Variants in CADPS observed in about 807,000 individuals in gnomAD.
CADPS encodes the protein calcium dependent secretion activator.
In CADPS, 57 loss-of-function variants were observed where a neutral mutation model predicts 167.3. The observed-to-expected ratio is 0.34, with a 90% CI of 0.28 to 0.42. CADPS has a LOEUF of 0.42. CADPS is among the 20% of genes least tolerant of loss of function. The pLI is 1.00. For missense variants in CADPS, 1,414 were observed against 1,738.1 expected (o/e 0.81, Z 3.32); for synonymous variants, 676 against 635.3 (o/e 1.06, Z -0.96).
intron 6 of CADPS, 132 bp downstream of exon 6, chr3:62,645,590 G>C: frequency 1.1e-6 from 1 of 948,632 alleles, no homozygotes; most frequent in Non-Finnish European, 1.6e-6. Flanking sequence ...AAGTCATCTT[G>C]TTTGAAAAAT....
chr3:62,741,179 G>T (rs893439764), intron 3 of CADPS, among the ~76,000 whole-genome samples: 1 of 152,052 alleles, frequency 6.6e-6, no homozygotes, highest in African/African-American at 2.4e-5. Flanking sequence ...TATTAAATGG[G>T]TACTATCCCA....
chr3:62,627,392 T>C (rs1372881142), intron 6 of CADPS, among the ~76,000 whole-genome samples: 1 of 152,138 alleles, frequency 6.6e-6, no homozygotes, highest in Non-Finnish European at 1.5e-5. Flanking sequence ...ATAAACATAA[T>C]GTAAATTATG....
chr3:62,706,998 A>C (rs2082429936), intron 3 of CADPS, among the ~76,000 whole-genome samples: 1 of 152,122 alleles, frequency 6.6e-6, no homozygotes, highest in Non-Finnish European at 1.5e-5. Context: ...TTTATACAAA[A>C]AAAGGATTCT....
chr3:62,415,408 A>G (rs1015745450), intron 28 of CADPS, among the ~76,000 whole-genome samples: 1 of 152,014 alleles, frequency 6.6e-6, no homozygotes, highest in Non-Finnish European at 1.5e-5. Context: ...CTCATATTTT[A>G]CATGTTACAG....
At chr3:62,657,587 A>G (rs1021426852) in intron 4 of CADPS, among the ~76,000 whole-genome samples, 3 of 152,182 alleles carry the variant, frequency 2.0e-5, no homozygotes, top group Non-Finnish European at 2.9e-5. Flanking sequence ...TTGAGCAGGG[A>G]TTACCAAGTC....
At chr3:62,595,332 C>T (rs185781704) in intron 6 of CADPS, among the ~76,000 whole-genome samples, 84 of 152,204 alleles carry the variant, frequency 5.5e-4, no homozygotes, top group African/African-American at 1.9e-3. Flanking sequence ...AAGTGGTTGT[C>T]AGCAACTGCA....
intron 7 of CADPS, among the ~76,000 whole-genome samples, chr3:62,591,322 T>C (rs1052057449): frequency 4.9e-4 from 75 of 152,248 alleles, no homozygotes; most frequent in Non-Finnish European, 8.5e-4. Context: ...ATCACTTTAG[T>C]AGTATATGTG....
intron 13 of CADPS, among the ~76,000 whole-genome samples, chr3:62,523,564 A>G (rs905129061): frequency 6.6e-6 from 1 of 152,218 alleles, no homozygotes; most frequent in Non-Finnish European, 1.5e-5. Context: ...TTTGAAAGGT[A>G]AGATGTCTCT....
chr3:62,773,782 T>C (rs1158484821), intron 1 of CADPS, among the ~76,000 whole-genome samples: 2 of 152,192 alleles, frequency 1.3e-5, no homozygotes, highest in Non-Finnish European at 2.9e-5. Context: ...AGAAAAAATG[T>C]AAAATTCTTC....
intron 17 of CADPS, among the ~76,000 whole-genome samples, chr3:62,510,067 C>T (rs2067444373): frequency 6.6e-6 from 1 of 152,110 alleles, no homozygotes; most frequent in Admixed American, 6.5e-5. Context: ...TAGGTGGCTG[C>T]TCTCTTCTCT....
rs2055549525 is a variant in CADPS, at chr3:62,438,218, A to C, written c.3670-7T>G. The C allele has an allele frequency of 1.9e-6, 3 of 1,609,694 alleles. No individual in the cohort carries two copies. In the South Asian group the frequency reaches 3.3e-5, roughly 18 times the overall value. ...CCACGTCCATCCCGGGTTTCTGTAA[A>C]GAAACAGGAAAACATGAAAACGAAT... is the stretch of plus-strand genomic sequence containing the variant. On this transcript the variant is annotated splice_polypyrimidine_tract_variant and splice_region_variant and intron_variant, in intron 27 of 29. Transcript: ENST00000383710. This position sits in a 1 kb window ranked among gnomAD's most constrained non-coding sequence, Gnocchi z 4.7.
At chr3:62,529,161 CA>C (rs1577268851) in intron 13 of CADPS, among the ~76,000 whole-genome samples, 1 of 151,814 alleles carries the variant, frequency 6.6e-6, no homozygotes, top group South Asian at 2.1e-4. Flanking sequence ...GACTTCATCT[CA>C]AAAAAACAAA....
At position 62,502,374 on chromosome 3, in the gene CADPS, G is replaced by A. The variant is rs57456234; in HGVS notation, c.2600-3106C>T. ...CAATATTCCTATCCCCCAAGCTTGC[G>A]CTAGCTGGAGCACTGATAAAATGGA... On this transcript the variant is annotated intron_variant, in intron 17 of 29. Coordinates refer to ENST00000383710, the MANE Select transcript of CADPS (RefSeq NM_003716.4). Among the ~76,000 whole-genome samples, 355 of 151,610 alleles carry A rather than the reference G, an allele frequency of 2.3e-3. 1 individual carries two copies. The highest frequency in any genetic ancestry group is 7.9e-3 in the African/African-American group (325 of 41,250).
chr3:62,649,640 A>T (rs937767085), intron 5 of CADPS, among the ~76,000 whole-genome samples: 2 of 133,062 alleles, frequency 1.5e-5, no homozygotes, highest in Non-Finnish European at 3.0e-5. Flanking sequence ...GGCTCACTGC[A>T]GCCTTGATCT....
Position 62,874,793 on chromosome 3 carries a change from T to A in CADPS, c.237A>T (p.Gln79His). 1 of 1,350,674 alleles carries A rather than the reference T, an allele frequency of 7.4e-7. No homozygotes were observed. Among genetic ancestry groups the A allele is most frequent in the Non-Finnish European group, 9.9e-7 (1 of 1,005,214 alleles). The allele number at this position is 1,350,674 out of a possible 1,614,324, so 83.7% of individuals were successfully genotyped here. Residue 79 changes from glutamine (Q) to histidine (H), a missense_variant, in exon 1 of 30, where the codon CAA (glutamine) becomes CAT (histidine). Transcript: ENST00000383710. This position sits in a 1 kb window ranked among gnomAD's most constrained non-coding sequence, Gnocchi z 7.1. ...GGCCGCCGCCAGCGCGGCTGCTGGG[T>A]TGCAGCCCCCCGGCCCCGCCGCCGC... ...ASSGGGAGGL[Q>H]PSSRAGGGRP... is the part of the protein sequence containing the mutation.
chr3:62,806,674 C>T (rs764093563), intron 1 of CADPS, among the ~76,000 whole-genome samples: 4 of 152,132 alleles, frequency 2.6e-5, no homozygotes, highest in Non-Finnish European at 4.4e-5. Flanking sequence ...GGACATACAG[C>T]TAGTAATTGG....
rs566796142 is a variant in CADPS, at chr3:62,723,263, G to A, written c.888+30178C>T. 1.5e-3 allele frequency among the ~76,000 whole-genome samples: 224 copies of A among 152,278 alleles called. 2 individuals are homozygous for A. The highest frequency in any genetic ancestry group is 6.6e-3 in the South Asian group (32 of 4,822). ...CAAATCGACTAGATTTTTGTCAAGA[G>A]AAGATGTTGTAGGTCTCCGATGAAC... On this transcript the variant is annotated intron_variant, in intron 3 of 29. Transcript: ENST00000383710.
chr3:62,664,501 C>T (rs1354261019), intron 3 of CADPS, among the ~76,000 whole-genome samples: 1 of 152,226 alleles, frequency 6.6e-6, no homozygotes, highest in African/African-American at 2.4e-5. Flanking sequence ...GTCCTCAGTG[C>T]TGTTTTTAGG....
chr3:62,653,472 G>A (rs1002596824), intron 4 of CADPS, among the ~76,000 whole-genome samples: 1 of 152,056 alleles, frequency 6.6e-6, no homozygotes, highest in African/African-American at 2.4e-5. Flanking sequence ...TGTCAACTAT[G>A]GCATTCTGTT....
Sources: gnomAD v4.1 joint callset for allele counts (sites outside exome capture counted in the v4.1 genomes callset) on GRCh38, gnomAD v4.1.1 for gene constraint, Gnocchi (gnomAD v3.1) non-coding constraint, MANE v1.5 for transcripts, NCBI Gene and HGNC (gene_info 2026-07-23, HGNC 2026-07-21) for gene names.